Variants in MCTP2 observed in about 807,000 individuals in gnomAD.
MCTP2 encodes the protein multiple C2 and transmembrane domain-containing protein 2.
MCTP2 carries 132 observed loss-of-function variants against 111.6 expected under a neutral mutation model. That is an observed-to-expected ratio of 1.18 (90% CI 1.03 to 1.37). MCTP2 has a LOEUF of 1.37. MCTP2 is among the 40% of genes most tolerant of loss of function. The pLI, the probability that MCTP2 is intolerant of heterozygous loss-of-function variation, is 0.00. For missense variants in MCTP2, 1,183 were observed against 1,067.9 expected, an observed-to-expected ratio of 1.11 and a Z score of -1.50; for synonymous variants, 395 against 387.7, an observed-to-expected ratio of 1.02 and a Z score of -0.22.
intron 17 of MCTP2, among the ~76,000 whole-genome samples, chr15:94,437,671 T>G (rs948213897): frequency 2.0e-5 from 3 of 152,066 alleles, no homozygotes; most frequent in Non-Finnish European, 4.4e-5. Flanking sequence ...TGAAAAAATA[T>G]CCAAGATCAT....
At chr15:94,239,795 C>T (rs919413741) in intron 1 of MCTP2, among the ~76,000 whole-genome samples, 20 of 152,202 alleles carry the variant, frequency 1.3e-4, no homozygotes, top group South Asian at 8.3e-4. Context: ...AACCAAAAGA[C>T]ACGGTGGGGC....
intron 20 of MCTP2, among the ~76,000 whole-genome samples, chr15:94,465,028 A>G (rs78521714): frequency 0.014 from 2,115 of 152,146 alleles, 57 homozygotes; most frequent in African/African-American, 0.048. Flanking sequence ...TGTTCTATCA[A>G]TTACTTAGAT....
intron 21 of MCTP2, among the ~76,000 whole-genome samples, chr15:94,472,880 TTGTATGA>T (rs2152542292): frequency 6.6e-6 from 1 of 152,354 alleles, no homozygotes; most frequent in South Asian, 2.1e-4. Flanking sequence ...TGCAAATTTC[TTGTATGA>T]TTGCATCCTT....
chr15:94,329,697 C>T (rs28658197), intron 4 of MCTP2, among the ~76,000 whole-genome samples: 5,841 of 152,142 alleles, frequency 0.038, 365 homozygotes, highest in African/African-American at 0.13. Flanking sequence ...AGGGATTACA[C>T]CTCAATATGA....
chr15:94,300,859 G>A (rs1268315263), intron 2 of MCTP2, among the ~76,000 whole-genome samples: 1 of 152,178 alleles, frequency 6.6e-6, no homozygotes. Context: ...ACAGCCTGAA[G>A]TGTGGATGGG....
intron 1 of MCTP2, 75 bp downstream of exon 1, chr15:94,231,739 TTC>T (rs1165536785): frequency 4.6e-5 from 7 of 152,916 alleles, no homozygotes; most frequent in Admixed American, 3.9e-4. Context: ...GGTGGGCGTC[TTC>T]TCTCAACCGA....
chr15:94,316,343 T>G (rs980529485), intron 4 of MCTP2, among the ~76,000 whole-genome samples: 3 of 152,236 alleles, frequency 2.0e-5, no homozygotes, highest in Non-Finnish European at 4.4e-5. Context: ...GATGCTGTAA[T>G]GAACATATTG....
intron 4 of MCTP2, 61 bp downstream of exon 4, chr15:94,315,698 A>G (rs1596337071): frequency 1.7e-6 from 2 of 1,197,494 alleles, no homozygotes; most frequent in Non-Finnish European, 2.5e-6. Flanking sequence ...CTGTCCTTGT[A>G]TCAATATTGT....
intron 4 of MCTP2, among the ~76,000 whole-genome samples, chr15:94,325,767 C>G (rs528842690): frequency 6.6e-6 from 1 of 151,078 alleles, no homozygotes; most frequent in East Asian, 1.9e-4. Context: ...AGGCACACCA[C>G]TAGGCCTTAC....
chr15:94,283,682 C>T (rs1176170395), intron 1 of MCTP2, among the ~76,000 whole-genome samples: 1 of 152,218 alleles, frequency 6.6e-6, no homozygotes, highest in African/African-American at 2.4e-5. Context: ...TCTGTCCCCT[C>T]TCAATACCTT....
chr15:94,315,428 A>T, intron 3 of MCTP2, 101 bp from the exon 4 acceptor site: 1 of 766,004 alleles, frequency 1.3e-6, no homozygotes, highest in Non-Finnish European at 2.2e-6. Context: ...CGATCATCAT[A>T]GTGGCCTTTC....
intron 1 of MCTP2, among the ~76,000 whole-genome samples, chr15:94,258,617 C>G (rs2072994327): frequency 6.6e-6 from 1 of 152,104 alleles, no homozygotes; most frequent in African/African-American, 2.4e-5. Flanking sequence ...TACCGAAAAC[C>G]CTATTTAAAT....
chr15:94,414,219 A>C (rs2082277634), intron 17 of MCTP2, among the ~76,000 whole-genome samples: 1 of 152,230 alleles, frequency 6.6e-6, no homozygotes, highest in Non-Finnish European at 1.5e-5. Context: ...GGTAAAGTTC[A>C]AACCAGTAAT....
At chr15:94,451,048 C>T (rs1171269132) in intron 19 of MCTP2, among the ~76,000 whole-genome samples, 3 of 152,052 alleles carry the variant, frequency 2.0e-5, no homozygotes, top group Non-Finnish European at 4.4e-5. Context: ...GAAAGATTTG[C>T]CCTGATTTTT....
intron 21 of MCTP2, among the ~76,000 whole-genome samples, chr15:94,472,615 G>T (rs1276494961): frequency 2.0e-5 from 3 of 152,098 alleles, no homozygotes; most frequent in African/African-American, 4.8e-5. Flanking sequence ...ATGCTCTCTT[G>T]GGCTGTCAGT....
At chr15:94,411,180 G>A (rs1214135472) in intron 17 of MCTP2, among the ~76,000 whole-genome samples, 4 of 152,182 alleles carry the variant, frequency 2.6e-5, no homozygotes, top group Non-Finnish European at 4.4e-5. Context: ...TTAGAAATAG[G>A]GGGACCTGGT....
At chr15:94,303,807 G>A (rs2075759423) in intron 2 of MCTP2, among the ~76,000 whole-genome samples, 1 of 152,082 alleles carries the variant, frequency 6.6e-6, no homozygotes, top group South Asian at 2.1e-4. Flanking sequence ...CCTTCTCTGT[G>A]GTGCTTTTTC....
At chr15:94,438,908 AT>A (rs569020380) in intron 17 of MCTP2, among the ~76,000 whole-genome samples, 33 of 152,236 alleles carry the variant, frequency 2.2e-4, no homozygotes, top group African/African-American at 7.9e-4. Flanking sequence ...CAGTTTAACA[AT>A]TTTTTGTAGG....
Position 94,478,963 on chromosome 15 carries a change from C to T in MCTP2, c.2569-3C>T, listed in dbSNP as rs751765204. The stretch of plus-strand genomic sequence containing the variant: ...CCAGCATCACGGCTATTTGTTTTCA[C>T]AGGTGCAGTATGCAGAATTGAAACT... On this transcript the variant is annotated splice_region_variant and splice_polypyrimidine_tract_variant and intron_variant, in intron 22 of 22. Coordinates refer to ENST00000357742, the MANE Select transcript of MCTP2 (RefSeq NM_001385001.1). 1 of 1,613,880 alleles carries T rather than the reference C, an allele frequency of 6.2e-7. No homozygotes were observed. The highest frequency in any genetic ancestry group is 8.5e-7 in the Non-Finnish European group (1 of 1,179,940).
Sources: allele counts gnomAD v4.1 joint callset (sites outside exome capture counted in the v4.1 genomes callset), GRCh38; gene constraint gnomAD v4.1.1; transcripts MANE v1.5; gene names NCBI Gene and HGNC (gene_info 2026-07-23, HGNC 2026-07-21).